The following KIAA1328 variants were observed in gnomAD, a reference collection of about 807,000 sequenced individuals.
The protein encoded by KIAA1328 is protein hinderin.
Under a neutral mutation model 68.1 loss-of-function variants are expected in KIAA1328, and 52 were observed. That is an observed-to-expected ratio of 0.76 (90% CI 0.61 to 0.96). KIAA1328 has a LOEUF of 0.96. KIAA1328 is among the 40% of genes least tolerant of loss of function. The probability of loss-of-function intolerance (pLI) is 0.00; values close to 1 mark genes in which losing one functional copy is unlikely to be tolerated. For synonymous variants in KIAA1328, 232 were observed against 239.4 expected (o/e 0.97, Z 0.28); for missense variants, 641 against 677.6 (o/e 0.95, Z 0.60).
At chr18:37,199,206 G>A (rs1270187545) in intron 9 of KIAA1328, among the ~76,000 whole-genome samples, 2 of 152,112 alleles carry the variant, frequency 1.3e-5, no homozygotes, top group Non-Finnish European at 2.9e-5. Context: ...TCGGTATGAA[G>A]CCTAGTATCC....
chr18:37,162,147 A>G (rs1450299237), intron 8 of KIAA1328, among the ~76,000 whole-genome samples: 2 of 152,214 alleles, frequency 1.3e-5, no homozygotes, highest in African/African-American at 4.8e-5. Context: ...ATACCAATCA[A>G]TTTAACCAAG....
chr18:36,835,171 G>T, intron 2 of KIAA1328, 63 bp from the exon 3 acceptor site: 1 of 1,445,386 alleles, frequency 6.9e-7, no homozygotes, highest in Non-Finnish European at 9.5e-7. Flanking sequence ...GGAAGGAGTT[G>T]ATGGGGGAGG....
At chr18:36,990,941 G>C (rs1222623540) in intron 6 of KIAA1328, among the ~76,000 whole-genome samples, 1 of 152,112 alleles carries the variant, frequency 6.6e-6, no homozygotes, top group Non-Finnish European at 1.5e-5. Flanking sequence ...GCCCTCAATT[G>C]AGATAGCTGT....
intron 5 of KIAA1328, among the ~76,000 whole-genome samples, chr18:36,924,701 C>A (rs1179530621): frequency 6.6e-6 from 1 of 151,832 alleles, no homozygotes; most frequent in African/African-American, 2.4e-5. Flanking sequence ...GAATATGCAG[C>A]ATGTACAGAT....
At chr18:36,838,907 G>T (rs943742523) in intron 3 of KIAA1328, among the ~76,000 whole-genome samples, 1 of 152,064 alleles carries the variant, frequency 6.6e-6, no homozygotes, top group African/African-American at 2.4e-5. Context: ...GCTAATTTTT[G>T]TATTTTTAGT....
intron 6 of KIAA1328, among the ~76,000 whole-genome samples, chr18:36,983,120 A>G (rs1401333048): frequency 6.6e-6 from 1 of 152,052 alleles, no homozygotes; most frequent in Non-Finnish European, 1.5e-5. Context: ...TTAATATATA[A>G]ATAATCACAT....
rs75725488 is a variant in KIAA1328 at position 36,960,284 on chromosome 18, G to T, written c.576+849G>T. Among the ~76,000 whole-genome samples, 66 of 152,344 alleles carry T rather than the reference G, an allele frequency of 4.3e-4. 1 individual carries two copies. Among genetic ancestry groups the T allele is most frequent in the African/African-American group, 1.5e-3 (62 of 41,586 alleles). ...GGCGTCGACCATTGCTGAGGCTTCAGTAGGTAAACAGTGGCCGGGAAGCTC... is the reference window on the plus strand; with the variant it reads ...GGCGTCGACCATTGCTGAGGCTTCATTAGGTAAACAGTGGCCGGGAAGCTC... On this transcript the variant is annotated intron_variant, in intron 6 of 9. Transcript: ENST00000280020.
chr18:37,176,005 TCA>T (rs1422509491), intron 9 of KIAA1328, among the ~76,000 whole-genome samples: 2 of 152,230 alleles, frequency 1.3e-5, no homozygotes, highest in Non-Finnish European at 2.9e-5. Flanking sequence ...TCTTTCTCAT[TCA>T]CAGTGTTGGT....
intron 7 of KIAA1328, among the ~76,000 whole-genome samples, chr18:37,156,748 G>T (rs1040327117): frequency 1.3e-5 from 2 of 152,232 alleles, no homozygotes; most frequent in Non-Finnish European, 2.9e-5. Flanking sequence ...GTAGTTTCAA[G>T]ATAAAGATAC....
intron 6 of KIAA1328, among the ~76,000 whole-genome samples, chr18:37,064,748 T>C (rs557456416): frequency 1.3e-5 from 2 of 152,014 alleles, no homozygotes; most frequent in African/African-American, 4.8e-5. Flanking sequence ...GTGATGATGA[T>C]GGAAGCAGGA....
chr18:37,149,456 A>G (rs2058979194), intron 7 of KIAA1328, among the ~76,000 whole-genome samples: 1 of 152,216 alleles, frequency 6.6e-6, no homozygotes, highest in Non-Finnish European at 1.5e-5. Flanking sequence ...AAACCCTAGA[A>G]GAAAATCTAG....
At chr18:37,037,844 G>A (rs945050381) in intron 6 of KIAA1328, among the ~76,000 whole-genome samples, 2 of 152,160 alleles carry the variant, frequency 1.3e-5, no homozygotes, top group Non-Finnish European at 2.9e-5. Context: ...GCTCACACCT[G>A]TAATCCCAGC....
At chr18:37,218,866 A>C (rs768935458) in intron 9 of KIAA1328, among the ~76,000 whole-genome samples, 8 of 152,042 alleles carry the variant, frequency 5.3e-5, no homozygotes, top group Non-Finnish European at 7.4e-5. Flanking sequence ...GCTGGCGAGG[A>C]GCTGTGATCC....
chr18:37,056,222 A>G (rs2055900887), intron 6 of KIAA1328, among the ~76,000 whole-genome samples: 1 of 152,226 alleles, frequency 6.6e-6, no homozygotes, highest in African/African-American at 2.4e-5. Context: ...GCTTATGTAC[A>G]TGTGTATGTG....
At chr18:37,097,981 A>G (rs1366589890) in intron 7 of KIAA1328, among the ~76,000 whole-genome samples, 23 of 152,126 alleles carry the variant, frequency 1.5e-4, no homozygotes, top group African/African-American at 1.9e-4. Context: ...GGGCTGAGAC[A>G]GTGGGGTTTT....
At chr18:37,019,131 A>AT (rs71168256) in intron 6 of KIAA1328, among the ~76,000 whole-genome samples, 110,961 of 151,360 alleles carry the variant, frequency 0.73, 43,795 homozygotes, top group South Asian at 0.89. Flanking sequence ...TTGTTGTTTT[A>AT]TTTTTTTCTT....
At chr18:36,938,305 G>A (rs2050580738) in intron 5 of KIAA1328, among the ~76,000 whole-genome samples, 1 of 152,072 alleles carries the variant, frequency 6.6e-6, no homozygotes. Flanking sequence ...TGAGGGGAAC[G>A]AGGCAATACC....
chr18:37,057,946 C>T (rs867021686), intron 6 of KIAA1328, among the ~76,000 whole-genome samples: 2 of 152,186 alleles, frequency 1.3e-5, no homozygotes, highest in African/African-American at 4.8e-5. Flanking sequence ...TTGCACTTGG[C>T]TGAGGCCAGC....
chr18:37,173,303 A>G (rs1230182802), intron 9 of KIAA1328, among the ~76,000 whole-genome samples: 1 of 152,210 alleles, frequency 6.6e-6, no homozygotes, highest in Non-Finnish European at 1.5e-5. Flanking sequence ...AAGGGCTTCC[A>G]TAGAAACCTA....
Sources: allele counts gnomAD v4.1 joint callset (sites outside exome capture counted in the v4.1 genomes callset), GRCh38; gene constraint gnomAD v4.1.1; transcripts MANE v1.5; gene names NCBI Gene and HGNC (gene_info 2026-07-23, HGNC 2026-07-21).